Variants in RMDN1 observed in about 807,000 individuals in gnomAD.
RMDN1 encodes the protein regulator of microtubule dynamics protein 1.
Under a neutral mutation model 48.9 loss-of-function variants are expected in RMDN1, and 48 were observed. The ratio of observed to expected loss-of-function variants is 0.98; its 90% CI spans 0.78 to 1.25. The LOEUF is 1.25. Ranked by LOEUF, RMDN1 falls within the 50% of genes most tolerant of loss-of-function variation. The pLI, the probability that RMDN1 is intolerant of heterozygous loss-of-function variation, is 0.00. For synonymous variants in RMDN1, 148 were observed against 132.6 expected (o/e 1.12, Z -0.80); for missense variants, 418 against 373.4 (o/e 1.12, Z -0.98).
rs13257574 is a variant in RMDN1 at position 86,473,536 on chromosome 8, C to T, written c.*772G>A. The T allele has an allele frequency of 0.013, 10,916 of 841,598 alleles. 92 individuals carry two copies. The highest frequency in any genetic ancestry group is 0.015 in the Non-Finnish European group (10,230 of 699,048). The allele number at this position is 841,598 out of a possible 1,614,324, so 52.1% of individuals were successfully genotyped here. On this transcript the variant is annotated 3_prime_UTR_variant, in exon 10 of 10. Coordinates refer to ENST00000406452, the MANE Select transcript of RMDN1 (RefSeq NM_016033.3). ...ATCCCAGCAATTTGGGAGGCCAAGG[C>T]GGGCAGATCACTTGAGGCCAGGAGT...
At chr8:86,489,843 G>T (rs964958181) in intron 2 of RMDN1, among the ~76,000 whole-genome samples, 8 of 151,424 alleles carry the variant, frequency 5.3e-5, no homozygotes, top group Non-Finnish European at 1.0e-4. Flanking sequence ...AAAAAAAAGG[G>T]GGGGGATGGG....
chr8:86,473,910 T>G lies in RMDN1; in HGVS notation c.*398A>C. Reference sequence around the variant, plus strand: ...CTAACCACTGTCACCACACCTTCTCTTCAAGATTTCAACTTAGAATCAATC... The same window carrying G: ...CTAACCACTGTCACCACACCTTCTCGTCAAGATTTCAACTTAGAATCAATC... On this transcript the variant is annotated 3_prime_UTR_variant, in exon 10 of 10. Transcript: ENST00000406452. 1.0e-6 allele frequency: 1 copy of G among 1,002,832 alleles called. No homozygotes were observed. Among genetic ancestry groups the G allele is most frequent in the Non-Finnish European group, 1.2e-6 (1 of 841,360 alleles). 62.1% of individuals were successfully genotyped at this position (1,002,832 alleles called of 1,614,324 possible).
At chr8:86,496,186 C>A (rs560098494) in intron 2 of RMDN1, among the ~76,000 whole-genome samples, 6 of 152,204 alleles carry the variant, frequency 3.9e-5, no homozygotes, top group Non-Finnish European at 7.3e-5. Flanking sequence ...CCAATACTTG[C>A]CACAACAAAA....
At position 86,486,540 on chromosome 8, in the gene RMDN1, G is replaced by A; in HGVS notation, c.439C>T (p.Leu147=). 1 of 1,611,760 alleles carries A rather than the reference G, an allele frequency of 6.2e-7. No individual in the cohort carries two copies. The highest frequency in any genetic ancestry group is 8.5e-7 in the Non-Finnish European group (1 of 1,178,510). Residue 147 remains leucine (L), a synonymous_variant, in exon 4 of 10, where the codon CTA becomes TTA. Coordinates refer to ENST00000406452, the MANE Select transcript of RMDN1 (RefSeq NM_016033.3). ...TCTAGTGCTCTTTTTGCATACTCTA[G>A]GGCTTCATACACCAATAGCTTTTTC... The part of the protein sequence containing the change: ...EEKKLLVYEA[L]EYAKRALEKN...
chr8:86,483,036 T>C, intron 5 of RMDN1: 2 of 557,310 alleles, frequency 3.6e-6, no homozygotes, highest in Non-Finnish European at 6.4e-6. Flanking sequence ...GGGTTTAATT[T>C]TCTTATGAGA....
At position 86,474,253 on chromosome 8, in the gene RMDN1, T is replaced by C; in HGVS notation, c.*55A>G. On this transcript the variant is annotated 3_prime_UTR_variant, in exon 10 of 10. Coordinates refer to ENST00000406452, the MANE Select transcript of RMDN1 (RefSeq NM_016033.3). ...TATAGTTCATATATTAAGTTTAGAA[T>C]TAAAAGAAAAGGCAATGTTTATTAG... The C allele has an allele frequency of 6.2e-7, 1 of 1,607,522 alleles. No individual in the cohort carries two copies. The highest frequency in any genetic ancestry group is 1.1e-5 in the South Asian group (1 of 89,732).
intron 5 of RMDN1, chr8:86,482,018 TTC>T: frequency 1.2e-6 from 1 of 801,680 alleles, no homozygotes; most frequent in East Asian, 2.6e-5. Context: ...TACGAAGTTG[TTC>T]TGTCTTTGCA....
At position 86,474,319 on chromosome 8, in the gene RMDN1, C is replaced by T. The variant is rs1812999011; in HGVS notation, c.934G>A (p.Glu312Lys). ...EAAQLLTSFS[E>K]KN ...TCTCTGAAAAGTTCTCAATTCTTCT[C>T]ACTGAAACTTGTAAGCAACTGAGCA... is the stretch of plus-strand genomic sequence containing the variant. The change falls in exon 10 of 10, where the codon GAG becomes AAG. Residue 312 changes from glutamate to lysine, a missense_variant. Transcript: ENST00000406452. The T allele has an allele frequency of 6.2e-7, 1 of 1,613,566 alleles. No homozygotes were observed. The highest frequency in any genetic ancestry group is 8.5e-7 in the Non-Finnish European group (1 of 1,179,694).
intron 2 of RMDN1, chr8:86,505,216 G>A (rs1819116800): frequency 1.5e-6 from 1 of 668,844 alleles, no homozygotes; most frequent in South Asian, 1.5e-5. Context: ...CTCAAGGCTG[G>A]GGTTTGTTGG....
Position 86,474,813 on chromosome 8 carries a change from G to A in RMDN1, c.894+7C>T. 1.9e-6 allele frequency: 3 copies of A among 1,601,578 alleles called. No individual in the cohort carries two copies. The highest frequency in any genetic ancestry group is 2.6e-6 in the Non-Finnish European group (3 of 1,175,848). On this transcript the variant is annotated splice_region_variant and intron_variant, in intron 9 of 9. Coordinates refer to ENST00000406452, the MANE Select transcript of RMDN1 (RefSeq NM_016033.3). ...CTTTCTGCCTTACTTTATGGGAGAT[G>A]TTTTACCTGTTTATCCTCCTCTGTG...
chr8:86,488,785 G>A, intron 2 of RMDN1, 146 bp from the exon 3 acceptor site: 1 of 469,118 alleles, frequency 2.1e-6, no homozygotes, highest in Non-Finnish European at 3.7e-6. Context: ...GCAGAAATTA[G>A]GAAGAACCTA....
intron 2 of RMDN1, among the ~76,000 whole-genome samples, chr8:86,491,597 A>G (rs534608630): frequency 6.6e-6 from 1 of 152,294 alleles, no homozygotes; most frequent in South Asian, 2.1e-4. Flanking sequence ...TAGAGACCAT[A>G]TTCTATAAAA....
chr8:86,505,928 A>C (rs943083592), intron 2 of RMDN1, among the ~76,000 whole-genome samples: 4 of 152,202 alleles, frequency 2.6e-5, no homozygotes, highest in Non-Finnish European at 5.9e-5. Context: ...TTTCCTTTGG[A>C]ACTTTTTTCT....
chr8:86,493,479 T>C (rs1216150412), intron 2 of RMDN1, among the ~76,000 whole-genome samples: 2 of 152,166 alleles, frequency 1.3e-5, no homozygotes, highest in African/African-American at 4.8e-5. Flanking sequence ...CATACACAAA[T>C]GGAGTATTAT....
chr8:86,494,691 T>G (rs1187181284), intron 2 of RMDN1: 3 of 214,254 alleles, frequency 1.4e-5, no homozygotes, highest in Non-Finnish European at 2.9e-5. Context: ...AATGTTATTT[T>G]TAACTTAACA....
At chr8:86,504,567 G>A in intron 2 of RMDN1, 2 of 1,236,132 alleles carry the variant, frequency 1.6e-6, no homozygotes, top group Non-Finnish European at 2.4e-6. Context: ...TGCTGCAAAG[G>A]GCAGGAAGGC....
chr8:86,475,061 G>A, intron 8 of RMDN1, 108 bp from the exon 9 acceptor site: 1 of 835,644 alleles, frequency 1.2e-6, no homozygotes, highest in Non-Finnish European at 1.8e-6. Flanking sequence ...GTCAATAAGT[G>A]ATTAGACTAA....
intron 3 of RMDN1, 58 bp downstream of exon 3, chr8:86,488,494 G>A: frequency 1.1e-5 from 12 of 1,058,488 alleles, no homozygotes; most frequent in Non-Finnish European, 1.6e-5. Context: ...CATTTTAATT[G>A]TTAAATAACA....
At chr8:86,497,227 G>A (rs952237274) in intron 2 of RMDN1, among the ~76,000 whole-genome samples, 6 of 152,210 alleles carry the variant, frequency 3.9e-5, no homozygotes, top group African/African-American at 1.4e-4. Flanking sequence ...AATATCTAGA[G>A]GAAGCAGAGA....
Sources: allele counts gnomAD v4.1 joint callset (sites outside exome capture counted in the v4.1 genomes callset), GRCh38; gene constraint gnomAD v4.1.1; transcripts MANE v1.5; gene names NCBI Gene and HGNC (gene_info 2026-07-23, HGNC 2026-07-21).